Variants in GUF1 observed in about 807,000 individuals in gnomAD.
GUF1 encodes GTP binding elongation factor GUF1.
Under a neutral mutation model 82.4 loss-of-function variants are expected in GUF1, and 78 were observed. The ratio of observed to expected loss-of-function variants is 0.95; its 90% CI spans 0.79 to 1.14. The LOEUF is 1.14. Ranked by LOEUF, GUF1 falls within the 50% of genes most tolerant of loss-of-function variation. The pLI is 0.00. For synonymous variants in GUF1, 279 were observed against 282.3 expected, an observed-to-expected ratio of 0.99 and a Z score of 0.12; for missense variants, 814 against 798.2, an observed-to-expected ratio of 1.02 and a Z score of -0.24.
chr4:44,689,733 G>A, intron 10 of GUF1, 110 bp from the exon 11 acceptor site: 1 of 859,844 alleles, frequency 1.2e-6, no homozygotes. Flanking sequence ...TGAATTGTTT[G>A]AATGACTTAA....
At chr4:44,685,035 A>C (rs4695036) in intron 6 of GUF1, among the ~76,000 whole-genome samples, 14 of 151,980 alleles carry the variant, frequency 9.2e-5, no homozygotes, top group African/African-American at 3.4e-4. Context: ...ACCAGAGTGA[A>C]TGTAAATGAT....
At chr4:44,694,739 C>T (rs1715680684) in intron 14 of GUF1, among the ~76,000 whole-genome samples, 1 of 151,854 alleles carries the variant, frequency 6.6e-6, no homozygotes, top group Admixed American at 6.6e-5. Flanking sequence ...TGTTTCCCTT[C>T]ACCATATTAA....
intron 9 of GUF1, among the ~76,000 whole-genome samples, chr4:44,689,020 T>C (rs1715244909): frequency 6.7e-6 from 1 of 148,486 alleles, no homozygotes; most frequent in African/African-American, 2.5e-5. Flanking sequence ...TTTTTTTTTT[T>C]CTTTTCCCTG....
At chr4:44,686,900 CT>C (rs1400298054) in intron 8 of GUF1, among the ~76,000 whole-genome samples, 187 bp downstream of exon 8, 2 of 151,804 alleles carry the variant, frequency 1.3e-5, no homozygotes, top group Admixed American at 6.6e-5. Context: ...TCAGTTGATA[CT>C]TTTTTTATTC....
intron 13 of GUF1, chr4:44,694,089 T>C (rs908397390): frequency 4.1e-5 from 11 of 266,854 alleles, no homozygotes; most frequent in Non-Finnish European, 7.1e-5. Flanking sequence ...TATATAGTAT[T>C]GTCCGAAGCC....
intron 1 of GUF1, among the ~76,000 whole-genome samples, chr4:44,680,185 C>A (rs1469272322): frequency 6.6e-6 from 1 of 152,026 alleles, no homozygotes; most frequent in African/African-American, 2.4e-5. Flanking sequence ...AAATTCAGTT[C>A]CTGATTGGCC....
In GUF1 at chr4:44,686,662, A is replaced by G; in HGVS notation, c.887A>G (p.Glu296Gly). The G allele has an allele frequency of 6.2e-7, 1 of 1,611,836 alleles. No homozygotes were observed. The stretch of plus-strand genomic sequence containing the variant: ...TCTGCACATACTCAAAAGACATACG[A>G]AGTTAATGAAGTAGGAGTCTTGAAT... ...IVSAHTQKTYEVNEVGVLNPN... is the reference protein window; with the variant it reads ...IVSAHTQKTYGVNEVGVLNPN... The change falls in exon 8 of 17, where the codon GAA becomes GGA. Residue 296 changes from glutamate to glycine, a missense_variant. Physicochemically the swap from Glu to Gly is moderately conservative, Grantham distance 98 (BLOSUM62 -2). Coordinates refer to ENST00000281543, the MANE Select transcript of GUF1 (RefSeq NM_021927.3).
rs1281288241 is a variant in GUF1 at position 44,699,997 on chromosome 4, A to G, written c.*1316A>G. ...TCCAGAGCTCTCAGCTCCCATGTTTATTCAGCCAACGAACAAACCAGACTG... is the reference window on the plus strand; with the variant it reads ...TCCAGAGCTCTCAGCTCCCATGTTTGTTCAGCCAACGAACAAACCAGACTG... On this transcript the variant is annotated 3_prime_UTR_variant, in exon 17 of 17. Transcript: ENST00000281543. 6.6e-6 allele frequency: 1 copy of G among 152,210 alleles called. No individual in the cohort carries two copies. The highest frequency in any genetic ancestry group is 2.4e-5 in the African/African-American group (1 of 41,440). The allele number at this position is 152,210 out of a possible 1,614,324, so 9.4% of individuals were successfully genotyped here.
At chr4:44,697,746 GATCT>G (rs1345169207) in intron 16 of GUF1, among the ~76,000 whole-genome samples, 2 of 152,038 alleles carry the variant, frequency 1.3e-5, no homozygotes, top group Non-Finnish European at 1.5e-5. Context: ...ATGTTTTCTT[GATCT>G]AACATATAAT....
chr4:44,688,066 T>C lies in GUF1; in HGVS notation c.998T>C (p.Ile333Thr), dbSNP rs1464802164. ...AGMKDVTEAQ[I>T]GDTLCLHKQP... ...ATGAAAGATGTCACTGAAGCGCAAA[T>C]AGGAGATACATTATGTTTACATAAG... Residue 333 changes from isoleucine (I) to threonine (T), a missense_variant, in exon 9 of 17, where the codon ATA (isoleucine) becomes ACA (threonine). Ile to Thr is a moderately conservative substitution (Grantham distance 89). Transcript: ENST00000281543. The C allele has an allele frequency of 1.2e-6, 2 of 1,612,214 alleles. No individual in the cohort carries two copies. Among genetic ancestry groups the C allele is most frequent in the Non-Finnish European group, 8.5e-7 (1 of 1,178,782 alleles).
chr4:44,694,349 A>C, intron 13 of GUF1, 63 bp from the exon 14 acceptor site: 1 of 936,690 alleles, frequency 1.1e-6, no homozygotes, highest in Non-Finnish European at 1.7e-6. Flanking sequence ...TAAAGAGTAA[A>C]GAGTAATAAA....
In GUF1 at chr4:44,699,690, CTCAAATAACATAGACA is replaced by C. The variant is rs1242692628; in HGVS notation, c.*1020_*1035del. 2.6e-5 allele frequency: 4 copies of C among 152,168 alleles called. No homozygotes were observed. Among genetic ancestry groups the C allele is most frequent in the Admixed American group, 1.3e-4 (2 of 15,286 alleles). 9.4% of individuals were successfully genotyped at this position (152,168 alleles called of 1,614,324 possible). On this transcript the variant is annotated 3_prime_UTR_variant, in exon 17 of 17. Coordinates refer to ENST00000281543, the MANE Select transcript of GUF1 (RefSeq NM_021927.3). ...ATGAATTCACTTATTAAACAGTAAA[CTCAAATAACATAGACA>C]TCAAATAACAGACATCTGCTCTAGT...
chr4:44,680,595 A>C (rs377271759), intron 2 of GUF1, 43 bp downstream of exon 2: 2 of 1,460,948 alleles, frequency 1.4e-6, no homozygotes, highest in Admixed American at 2.1e-5. Context: ...GCTGCGAGTT[A>C]TTGGGAATTA....
chr4:44,682,966 T>C (rs1714850816), intron 5 of GUF1, among the ~76,000 whole-genome samples: 1 of 152,044 alleles, frequency 6.6e-6, no homozygotes, highest in African/African-American at 2.4e-5. Context: ...TGCTGCTTAA[T>C]TGATAAATTA....
At chr4:44,693,336 G>A (rs1233366808) in intron 13 of GUF1, among the ~76,000 whole-genome samples, 1 of 152,016 alleles carries the variant, frequency 6.6e-6, no homozygotes, top group Non-Finnish European at 1.5e-5. Flanking sequence ...TTGAAAAAAT[G>A]AGTTAAGAAA....
Position 44,695,691 on chromosome 4 carries a change from G to T in GUF1, c.1792G>T (p.Ala598Ser), listed in dbSNP as rs1715765422. The T allele has an allele frequency of 6.2e-7, 1 of 1,613,132 alleles. No homozygotes were observed. Among genetic ancestry groups the T allele is most frequent in the South Asian group, 1.1e-5 (1 of 90,998 alleles). Residue 598 changes from alanine to serine, a missense_variant, in exon 15 of 17, where the codon GCA becomes TCA. By Grantham distance (99) the Ala-to-Ser change is moderately conservative (BLOSUM62 1). Transcript: ENST00000281543. ...DSLPRQLFEI[A>S]IQAAIGSKII... ...TCTTCCTAGGCAACTGTTTGAGATA[G>T]CAATTCAAGCTGCTATTGGAAGTAA...
rs560545894 is a variant in GUF1, at chr4:44,695,009, A to G, written c.1715+496A>G. Reference sequence around the variant, plus strand: ...TTTAGTAGAGATGGGGTTTCACCATATTGGCCAGGATGGTCTCGATCTCTT... The same window carrying G: ...TTTAGTAGAGATGGGGTTTCACCATGTTGGCCAGGATGGTCTCGATCTCTT... On this transcript the variant is annotated intron_variant, in intron 14 of 16. Transcript: ENST00000281543. Among the ~76,000 whole-genome samples, 71 of 151,924 alleles carry G rather than the reference A, an allele frequency of 4.7e-4. 1 individual carries two copies. Among genetic ancestry groups the G allele is most frequent in the Non-Finnish European group, 8.2e-4 (56 of 67,936 alleles).
At chr4:44,689,605 C>T (rs1199582128) in intron 10 of GUF1, among the ~76,000 whole-genome samples, 196 bp downstream of exon 10, 8 of 151,434 alleles carry the variant, frequency 5.3e-5, no homozygotes, top group Non-Finnish European at 8.9e-5. Flanking sequence ...TTTTTATCTG[C>T]CTGTTTCACG....
intron 12 of GUF1, among the ~76,000 whole-genome samples, chr4:44,691,303 T>C (rs913888722): frequency 1.3e-5 from 2 of 151,726 alleles, no homozygotes; most frequent in Non-Finnish European, 3.0e-5. Flanking sequence ...CTGATACATA[T>C]TGGAAAGTGT....
Sources: allele counts gnomAD v4.1 joint callset (sites outside exome capture counted in the v4.1 genomes callset), GRCh38; gene constraint gnomAD v4.1.1; transcripts MANE v1.5; gene names NCBI Gene and HGNC (gene_info 2026-07-23, HGNC 2026-07-21).